DGCR2: variants seen among roughly 807,000 people sequenced by gnomAD.
DGCR2 encodes the protein integral membrane protein DGCR2/IDD.
DGCR2 carries 24 observed loss-of-function variants against 51.6 expected under a neutral mutation model. The ratio of observed to expected loss-of-function variants is 0.47; its 90% confidence interval spans 0.34 to 0.65. The LOEUF is 0.65. Among genes scored for constraint, DGCR2 ranks in the 30% least tolerant of loss-of-function variants. The pLI is 0.01. For synonymous variants in DGCR2, 340 were observed against 315.4 expected, an observed-to-expected ratio of 1.08 and a Z score of -0.82; for missense variants, 765 against 772.1, an observed-to-expected ratio of 0.99 and a Z score of 0.11.
At chr22:19,077,053 T>C (rs2082885964) in intron 2 of DGCR2, among the ~76,000 whole-genome samples, 1 of 152,170 alleles carries the variant, frequency 6.6e-6, no homozygotes, top group African/African-American at 2.4e-5. Flanking sequence ...AGGATATTTA[T>C]TATTATTGAG....
At chr22:19,109,050 C>A (rs1190182257) in intron 1 of DGCR2, among the ~76,000 whole-genome samples, 2 of 151,664 alleles carry the variant, frequency 1.3e-5, no homozygotes, top group South Asian at 2.1e-4. Flanking sequence ...AAAAAAAAAA[C>A]CTCCTTAATC....
chr22:19,055,443 G>A (rs139480293), intron 6 of DGCR2, among the ~76,000 whole-genome samples: 3 of 152,126 alleles, frequency 2.0e-5, no homozygotes, highest in African/African-American at 7.2e-5. Flanking sequence ...TCTAAGTTGA[G>A]AAGACAAGAA....
intron 1 of DGCR2, among the ~76,000 whole-genome samples, chr22:19,108,569 T>TAAAAAAAAAAAAAAAAAAAAA (rs55803042): frequency 2.2e-5 from 2 of 90,724 alleles, no homozygotes; most frequent in African/African-American, 7.4e-5. Flanking sequence ...AGAATTTATC[T>TAAAAAAAAAAAAAAAAAAAAA]AAAAAAAAAA....
intron 1 of DGCR2, among the ~76,000 whole-genome samples, chr22:19,090,936 GT>G (rs2083071367): frequency 6.6e-6 from 1 of 152,142 alleles, no homozygotes; most frequent in Non-Finnish European, 1.5e-5. Context: ...GGCAGAATTT[GT>G]CATGTAGGGA....
At position 19,122,233 on chromosome 22, in the gene DGCR2, C is replaced by A; in HGVS notation, c.-27G>T. On this transcript the variant is annotated 5_prime_UTR_variant, in exon 1 of 10. Transcript: ENST00000263196. The stretch of plus-strand genomic sequence containing the variant: ...TATCCTCCGTTCATCGTCCCCGGGG[C>A]GGCTGGAAGGCCGGACCAGGCCGGA... 1 of 1,474,496 alleles carries A rather than the reference C, an allele frequency of 6.8e-7. No homozygotes were observed. The highest frequency in any genetic ancestry group is 1.3e-5 in the South Asian group (1 of 76,832). The allele number at this position is 1,474,496 out of a possible 1,614,324, so 91.3% of individuals were successfully genotyped here.
chr22:19,079,040 T>A (rs992845300), intron 2 of DGCR2, among the ~76,000 whole-genome samples: 4 of 152,236 alleles, frequency 2.6e-5, no homozygotes, highest in Non-Finnish European at 4.4e-5. Context: ...TTCCTCATGA[T>A]TCAGTCTTGG....
chr22:19,096,447 T>G (rs1256267482), intron 1 of DGCR2, among the ~76,000 whole-genome samples: 1 of 152,068 alleles, frequency 6.6e-6, no homozygotes, highest in Non-Finnish European at 1.5e-5. Context: ...ACTAAATGAG[T>G]AGAATCAGAA....
chr22:19,071,597 C>T (rs2082815995), intron 2 of DGCR2, among the ~76,000 whole-genome samples: 1 of 152,118 alleles, frequency 6.6e-6, no homozygotes, highest in Admixed American at 6.5e-5. Context: ...TGAAAGACGC[C>T]CAAAGCCCCC....
At chr22:19,076,100 C>T (rs1369172689) in intron 2 of DGCR2, among the ~76,000 whole-genome samples, 1 of 151,356 alleles carries the variant, frequency 6.6e-6, no homozygotes, top group Non-Finnish European at 1.5e-5. Flanking sequence ...CTGAAATTAA[C>T]AGGCGTGCGC....
chr22:19,055,195 C>A (rs549483873), intron 6 of DGCR2, among the ~76,000 whole-genome samples: 1 of 151,866 alleles, frequency 6.6e-6, no homozygotes, highest in Non-Finnish European at 1.5e-5. Context: ...TATATATAAA[C>A]CATGAGGATG....
intron 1 of DGCR2, among the ~76,000 whole-genome samples, chr22:19,110,813 GCTCTGTTT>G (rs1231286341): frequency 6.6e-6 from 1 of 152,062 alleles, no homozygotes; most frequent in African/African-American, 2.4e-5. Flanking sequence ...AGTCTCCCAA[GCTCTGTTT>G]CTCTATCTGT....
At chr22:19,094,938 C>T (rs988008864) in intron 1 of DGCR2, among the ~76,000 whole-genome samples, 2 of 152,054 alleles carry the variant, frequency 1.3e-5, no homozygotes, top group African/African-American at 4.8e-5. Context: ...AATGCACTTG[C>T]AGCTATCAAG....
chr22:19,105,446 TG>T (rs2083251733), intron 1 of DGCR2, among the ~76,000 whole-genome samples: 1 of 151,106 alleles, frequency 6.6e-6, no homozygotes, highest in African/African-American at 2.4e-5. Context: ...GAGGCAAGAG[TG>T]AATAATAAGG....
At chr22:19,087,648 G>A (rs1280181194) in intron 2 of DGCR2, among the ~76,000 whole-genome samples, 1 of 150,464 alleles carries the variant, frequency 6.6e-6, no homozygotes, top group Non-Finnish European at 1.5e-5. Context: ...AAAAGTGTTG[G>A]GATTATAAGG....
chr22:19,062,291 T>A (rs1162958638), intron 5 of DGCR2, among the ~76,000 whole-genome samples: 1 of 152,110 alleles, frequency 6.6e-6, no homozygotes, highest in Non-Finnish European at 1.5e-5. Flanking sequence ...GGCCCCAGTC[T>A]GCTGGGCTCT....
intron 2 of DGCR2, among the ~76,000 whole-genome samples, chr22:19,071,668 C>A (rs934023263): frequency 2.0e-5 from 3 of 152,194 alleles, no homozygotes; most frequent in Non-Finnish European, 4.4e-5. Context: ...CAATAACATA[C>A]TTACATTAAT....
rs117081073 is a variant in DGCR2, at chr22:19,112,749, G to A, written c.79+9379C>T. ...CCCGGCCCTGCCTCAACACAGTTTT[G>A]AACCTAACTGTGTAACAATCACATG... On this transcript the variant is annotated intron_variant, in intron 1 of 9. Coordinates refer to ENST00000263196, the MANE Select transcript of DGCR2 (RefSeq NM_005137.3). Among the ~76,000 whole-genome samples, 71 of 144,218 alleles carry A rather than the reference G, an allele frequency of 4.9e-4. 12 individuals carry two copies. Among genetic ancestry groups the A allele is most frequent in the Non-Finnish European group, 9.7e-4 (63 of 64,872 alleles). 94.6% of individuals were successfully genotyped at this position (144,218 alleles called of 152,430 possible).
At chr22:19,051,188 CA>C (rs61277487) in intron 6 of DGCR2, among the ~76,000 whole-genome samples, 1,887 of 54,758 alleles carry the variant, frequency 0.034, 12 homozygotes, top group South Asian at 0.11. Context: ...AATTCTGTCA[CA>C]AAAAAAAAAA....
At chr22:19,056,175 C>T (rs1181253837) in intron 6 of DGCR2, among the ~76,000 whole-genome samples, 2 of 152,002 alleles carry the variant, frequency 1.3e-5, no homozygotes. Context: ...ATTAGCCGGG[C>T]GTGGTGGCAG....
Sources: gnomAD v4.1 joint callset for allele counts (sites outside exome capture counted in the v4.1 genomes callset) on GRCh38, gnomAD v4.1.1 for gene constraint, MANE v1.5 for transcripts, NCBI Gene and HGNC (gene_info 2026-07-23, HGNC 2026-07-21) for gene names.